SPATA18: variants seen among roughly 807,000 people sequenced by gnomAD.
SPATA18 encodes the protein mitochondria-eating protein.
SPATA18 carries 54 observed loss-of-function variants against 68.1 expected under a neutral mutation model. The observed-to-expected ratio is 0.79, with a 90% CI of 0.64 to 0.99. The LOEUF (loss-of-function observed/expected upper bound fraction) is 0.99, where lower values mean the gene tolerates loss of function less well. Among genes scored for constraint, SPATA18 ranks in the 50% least tolerant of loss-of-function variants. The pLI is 0.00. For missense variants in SPATA18, 724 were observed against 681.1 expected (o/e 1.06, Z -0.70); for synonymous variants, 242 against 244.8 (o/e 0.99, Z 0.11).
chr4:52,053,553 C>G (rs1254151703), intron 1 of SPATA18, among the ~76,000 whole-genome samples: 3 of 152,246 alleles, frequency 2.0e-5, no homozygotes, highest in Non-Finnish European at 4.4e-5. Flanking sequence ...ACTTCTCCAA[C>G]TGCCCATTGG....
chr4:52,060,559 C>T, intron 2 of SPATA18, 35 bp downstream of exon 2: 1 of 1,584,674 alleles, frequency 6.3e-7, no homozygotes, highest in Non-Finnish European at 8.7e-7. Context: ...TCCAGTTCTG[C>T]TTGCCTTTCT....
At chr4:52,083,439 A>G in intron 10 of SPATA18, 2 of 985,444 alleles carry the variant, frequency 2.0e-6, no homozygotes, top group Non-Finnish European at 2.4e-6. Context: ...CTATCTTAAA[A>G]TGTTTTGTTC....
At position 52,071,887 on chromosome 4, in the gene SPATA18, C is replaced by T. The variant is rs751212080; in HGVS notation, c.519-30C>T. 3 of 1,606,068 alleles carry T rather than the reference C, an allele frequency of 1.9e-6. No individual in the cohort carries two copies. In the African/African-American group the frequency reaches 4.0e-5, roughly 22 times the overall value. The stretch of plus-strand genomic sequence containing the variant: ...CACTCCCTCCCCTCTCCTCTCTTCC[C>T]TTCCTCTGCCCTCTCTCTTTGCTGT... On this transcript the variant is annotated intron_variant, in intron 5 of 12. Transcript: ENST00000295213.
At chr4:52,090,327 T>A (rs1741825656) in intron 11 of SPATA18, among the ~76,000 whole-genome samples, 1 of 152,240 alleles carries the variant, frequency 6.6e-6, no homozygotes, top group South Asian at 2.1e-4. Context: ...GTCATTATGA[T>A]GCTAGCTGAT....
At chr4:52,071,774 CAG>C (rs1261808331) in intron 5 of SPATA18, 141 bp from the exon 6 acceptor site, 3 of 809,680 alleles carry the variant, frequency 3.7e-6, no homozygotes, top group East Asian at 5.4e-5. Flanking sequence ...GTATTTCCAT[CAG>C]AGTTTCCCAA....
chr4:52,083,664 G>A (rs1741146892), intron 10 of SPATA18, among the ~76,000 whole-genome samples: 1 of 152,004 alleles, frequency 6.6e-6, no homozygotes, highest in South Asian at 2.1e-4. Context: ...AGGATTGCTT[G>A]AGCTGGAGAG....
intron 8 of SPATA18, among the ~76,000 whole-genome samples, chr4:52,079,324 A>C (rs1457845558): frequency 6.6e-6 from 1 of 152,320 alleles, no homozygotes; most frequent in South Asian, 2.1e-4. Flanking sequence ...AATGAAAGAA[A>C]GTAGGCAATT....
intron 4 of SPATA18, among the ~76,000 whole-genome samples, chr4:52,062,859 A>C (rs1738996238): frequency 6.6e-6 from 1 of 152,216 alleles, no homozygotes; most frequent in Admixed American, 6.5e-5. Context: ...TTAAGAAAGG[A>C]AGAATTCAAG....
At chr4:52,074,195 T>G (rs1366374279) in intron 6 of SPATA18, among the ~76,000 whole-genome samples, 1 of 152,166 alleles carries the variant, frequency 6.6e-6, no homozygotes, top group Non-Finnish European at 1.5e-5. Context: ...GGGTGGGAGC[T>G]ATTGTACCCG....
intron 11 of SPATA18, among the ~76,000 whole-genome samples, chr4:52,093,033 T>G (rs1445772707): frequency 6.6e-6 from 1 of 152,130 alleles, no homozygotes; most frequent in East Asian, 1.9e-4. Context: ...GAAAAATAAC[T>G]AATTGGTACT....
chr4:52,087,072 A>G (rs10446858), intron 11 of SPATA18, among the ~76,000 whole-genome samples: 128,956 of 152,200 alleles, frequency 0.85, 58,558 homozygotes, highest in East Asian at 1. Flanking sequence ...CTTCTTTGGA[A>G]AAGCGTCTGT....
intron 6 of SPATA18, among the ~76,000 whole-genome samples, chr4:52,074,767 T>G (rs1740177779): frequency 6.6e-6 from 1 of 152,160 alleles, no homozygotes; most frequent in African/African-American, 2.4e-5. Flanking sequence ...TCCAATGATA[T>G]TATAAGTATG....
At chr4:52,087,270 A>G (rs1578199917) in intron 11 of SPATA18, among the ~76,000 whole-genome samples, 1 of 152,026 alleles carries the variant, frequency 6.6e-6, no homozygotes, top group Non-Finnish European at 1.5e-5. Context: ...TCTTTAGTTT[A>G]TTAGATCCCA....
Position 52,079,884 on chromosome 4 carries a change from A to T in SPATA18, c.1320A>T (p.Ala440=), listed in dbSNP as rs778642318. 7 of 1,613,588 alleles carry T rather than the reference A, an allele frequency of 4.3e-6. No homozygotes were observed. The highest frequency in any genetic ancestry group is 5.1e-6 in the Non-Finnish European group (6 of 1,179,824). The change falls in exon 9 of 13, where the codon GCA becomes GCT. Residue 440 remains alanine, a synonymous_variant. Transcript: ENST00000295213. The stretch of plus-strand genomic sequence containing the variant: ...CCTTAGAACCACCCCTAGATATTGC[A>T]TATGGAGCAGATGGAGAAGTTTTTA... The part of the protein sequence containing the change: ...MQALEPPLDI[A]YGADGEVFND...
intron 1 of SPATA18, among the ~76,000 whole-genome samples, chr4:52,052,065 G>A (rs566843548): frequency 6.6e-6 from 1 of 152,184 alleles, no homozygotes; most frequent in African/African-American, 2.4e-5. Context: ...CCAATCAGTG[G>A]TAACTAAGGA....
chr4:52,065,142 T>G (rs193276572), intron 4 of SPATA18, among the ~76,000 whole-genome samples: 1 of 152,312 alleles, frequency 6.6e-6, no homozygotes, highest in East Asian at 1.9e-4. Flanking sequence ...GATTTTTTTT[T>G]GCGTTCCTTG....
rs1325704999 is a variant in SPATA18 at position 52,051,659 on chromosome 4, C to T, written c.-46C>T. 6.3e-7 allele frequency: 1 copy of T among 1,594,528 alleles called. No individual in the cohort carries two copies. The highest frequency in any genetic ancestry group is 1.7e-5 in the Admixed American group (1 of 60,000). The stretch of plus-strand genomic sequence containing the variant: ...CCTGCGGAGGCCACCGCCTGGTCCC[C>T]CCAAGTCTCCATCGCGCAGCGTGGG... On this transcript the variant is annotated 5_prime_UTR_variant, in exon 1 of 13. Transcript: ENST00000295213.
intron 1 of SPATA18, among the ~76,000 whole-genome samples, chr4:52,060,168 A>G (rs537604332): frequency 3.9e-5 from 6 of 152,354 alleles, no homozygotes; most frequent in African/African-American, 1.4e-4. Context: ...GGCCCCAGGC[A>G]TATATCACTT....
At chr4:52,072,241 A>G (rs1739926115) in intron 6 of SPATA18, 85 bp downstream of exon 6, 3 of 1,545,250 alleles carry the variant, frequency 1.9e-6, no homozygotes, top group Non-Finnish European at 2.6e-6. Context: ...GTAAAATGAT[A>G]AAATGATACC....
Sources: gnomAD v4.1 joint callset for allele counts (sites outside exome capture counted in the v4.1 genomes callset) on GRCh38, gnomAD v4.1.1 for gene constraint, MANE v1.5 for transcripts, NCBI Gene and HGNC (gene_info 2026-07-23, HGNC 2026-07-21) for gene names.